The following CACNA1C variants were observed in gnomAD, a reference collection of about 807,000 sequenced individuals.
CACNA1C encodes calcium voltage-gated channel subunit alpha1 C.
In CACNA1C, 30 loss-of-function variants were observed where a neutral mutation model predicts 229.0. The ratio of observed to expected loss-of-function variants is 0.13; its 90% CI spans 0.10 to 0.18. The LOEUF is 0.18. Ranked by LOEUF, CACNA1C falls within the 10% of genes least tolerant of loss-of-function variation. CACNA1C has a pLI of 1.00. For missense variants in CACNA1C, 1,658 were observed against 2,845.0 expected (o/e 0.58, Z 9.49); for synonymous variants, 1,114 against 1,132.5 (o/e 0.98, Z 0.33).
intron 3 of CACNA1C, among the ~76,000 whole-genome samples, chr12:2,138,699 C>T (rs1020924971): frequency 2.0e-5 from 3 of 151,136 alleles, no homozygotes; most frequent in Non-Finnish European, 4.4e-5. Flanking sequence ...TCCCCTTCCC[C>T]TTCTGCCATG....
At chr12:2,115,054 C>T (rs2083292026) in intron 1 of CACNA1C, among the ~76,000 whole-genome samples, 170 bp from the exon 2 acceptor site, 1 of 152,228 alleles carries the variant, frequency 6.6e-6, no homozygotes, top group African/African-American at 2.4e-5. Context: ...ACGATCCTGG[C>T]CCTCTTCCCT....
chr12:2,524,750 C>G (rs923025999), intron 9 of CACNA1C, among the ~76,000 whole-genome samples: 2 of 152,204 alleles, frequency 1.3e-5, no homozygotes, highest in African/African-American at 2.4e-5. Context: ...GCTTCAGCAG[C>G]CAGGCCTGGG....
chr12:2,486,401 A>C lies in CACNA1C; in HGVS notation c.916+139A>C. On this transcript the variant is annotated intron_variant, in intron 6 of 46. Transcript: ENST00000399655. This position sits in a 1 kb window ranked among gnomAD's most constrained non-coding sequence, Gnocchi z 4.9. The stretch of plus-strand genomic sequence containing the variant: ...ATTCAGACACACACTGGGCATGGTT[A>C]AGTGAGAGGCAGAGACCCGTATCCT... 3 of 630,006 alleles carry C rather than the reference A, an allele frequency of 4.8e-6. No individual in the cohort carries two copies. The highest frequency in any genetic ancestry group is 7.7e-6 in the Non-Finnish European group (3 of 387,478). The allele number at this position is 630,006 out of a possible 1,614,324, so 39.0% of individuals were successfully genotyped here.
chr12:2,483,129 G>A (rs1442813607), intron 5 of CACNA1C, among the ~76,000 whole-genome samples: 1 of 152,240 alleles, frequency 6.6e-6, no homozygotes, highest in African/African-American at 2.4e-5. Flanking sequence ...TCTCAGCGAG[G>A]CAGGGAATGG....
At chr12:2,447,745 C>G (rs149980486) in intron 3 of CACNA1C, among the ~76,000 whole-genome samples, 4 of 152,176 alleles carry the variant, frequency 2.6e-5, no homozygotes, top group Admixed American at 2.6e-4. Flanking sequence ...GGAGGTGGGC[C>G]TTTGTGGGCA....
intron 1 of CACNA1C, among the ~76,000 whole-genome samples, chr12:1,986,062 C>T (rs1053516959): frequency 1.3e-5 from 2 of 152,240 alleles, no homozygotes; most frequent in African/African-American, 4.8e-5. Flanking sequence ...ATCTGCCCGC[C>T]TTGGCCTCCC....
intron 25 of CACNA1C, 33 bp downstream of exon 25, chr12:2,606,696 G>C: frequency 6.3e-7 from 1 of 1,590,068 alleles, no homozygotes; most frequent in Non-Finnish European, 8.6e-7. Context: ...CCAGGGCCAC[G>C]GCCGGTCAGC....
chr12:2,451,207 A>G (rs748116322), intron 4 of CACNA1C, among the ~76,000 whole-genome samples: 4 of 152,224 alleles, frequency 2.6e-5, no homozygotes, highest in Non-Finnish European at 4.4e-5. Context: ...TCATGCCAGA[A>G]TAAACAAAGA....
intron 3 of CACNA1C, among the ~76,000 whole-genome samples, chr12:2,426,259 C>G (rs368281268): frequency 6.6e-6 from 1 of 152,164 alleles, no homozygotes; most frequent in African/African-American, 2.4e-5. Context: ...GAAGGACTGG[C>G]AATCTAATTG....
At position 2,228,933 on chromosome 12, in the gene CACNA1C, A is replaced by G. The variant is rs193242952; in HGVS notation, c.477+108503A>G. Reference sequence around the variant, plus strand: ...TGGAGTATTTTCCAGGAGCTAGAATATTATGTGTGTGTGTGTGCATATCTC... The same window carrying G: ...TGGAGTATTTTCCAGGAGCTAGAATGTTATGTGTGTGTGTGTGCATATCTC... On this transcript the variant is annotated intron_variant, in intron 3 of 46. Transcript: ENST00000399655. Among the ~76,000 whole-genome samples the G allele has an allele frequency of 4.1e-3, 616 of 151,378 alleles. 11 individuals are homozygous for G. The highest frequency in any genetic ancestry group is 0.032 in the South Asian group (153 of 4,710).
rs144904195 is a variant in CACNA1C at position 2,598,722 on chromosome 12, A to G, written c.2853+1433A>G. On this transcript the variant is annotated intron_variant, in intron 21 of 46. Transcript: ENST00000399655. ...TCCCTCATCATGGCCCAGCCTGTTG[A>G]TGGACAGGACAGTTCAGTCACATCC... 3.1e-4 allele frequency among the ~76,000 whole-genome samples: 47 copies of G among 152,256 alleles called. No homozygotes were observed. The East Asian group carries it at 7.7e-3, about 25-fold the overall frequency.
chr12:2,461,513 G>C (rs1358526625), intron 5 of CACNA1C, among the ~76,000 whole-genome samples: 2 of 152,106 alleles, frequency 1.3e-5, no homozygotes, highest in Admixed American at 1.3e-4. Flanking sequence ...GTATCTTCCA[G>C]TAACCAGCAG....
chr12:2,490,533 A>C (rs954671238), intron 6 of CACNA1C, among the ~76,000 whole-genome samples: 4 of 152,230 alleles, frequency 2.6e-5, no homozygotes, highest in African/African-American at 9.6e-5. Context: ...GTGACTGAAC[A>C]CATCTCCCTA....
intron 5 of CACNA1C, among the ~76,000 whole-genome samples, chr12:2,465,410 C>T (rs375269442): frequency 5.3e-5 from 8 of 152,138 alleles, no homozygotes; most frequent in East Asian, 1.9e-4. Flanking sequence ...GAGGACATAC[C>T]GGAGATAAGC....
chr12:2,347,196 A>G (rs191923396), intron 3 of CACNA1C, among the ~76,000 whole-genome samples: 523 of 152,306 alleles, frequency 3.4e-3, no homozygotes, highest in African/African-American at 0.012. Flanking sequence ...GAATGGATGA[A>G]TGAATGAACA....
At chr12:2,202,974 T>C (rs1002606597) in intron 3 of CACNA1C, among the ~76,000 whole-genome samples, 2 of 152,138 alleles carry the variant, frequency 1.3e-5, no homozygotes, top group East Asian at 3.9e-4. Context: ...CCTAGAAACC[T>C]AGGAGCTGGC....
intron 1 of CACNA1C, among the ~76,000 whole-genome samples, chr12:2,104,111 A>C (rs1274952100): frequency 6.6e-6 from 1 of 152,196 alleles, no homozygotes; most frequent in Non-Finnish European, 1.5e-5. Context: ...CAATTCTGTG[A>C]GGAAAGTCAA....
intron 9 of CACNA1C, among the ~76,000 whole-genome samples, chr12:2,534,260 C>A (rs982079477): frequency 3.9e-5 from 6 of 152,126 alleles, no homozygotes; most frequent in African/African-American, 1.4e-4. Flanking sequence ...GAGAGTAGGA[C>A]TGAGTGCATG....
intron 1 of CACNA1C, among the ~76,000 whole-genome samples, chr12:2,109,802 CA>C (rs2080906539): frequency 6.6e-6 from 1 of 152,172 alleles, no homozygotes; most frequent in Admixed American, 6.5e-5. Context: ...ATCTTCCTCA[CA>C]ACCCCTTTCC....
Sources: gnomAD v4.1 joint callset for allele counts (sites outside exome capture counted in the v4.1 genomes callset) on GRCh38, gnomAD v4.1.1 for gene constraint, Gnocchi (gnomAD v3.1) non-coding constraint, MANE v1.5 for transcripts, NCBI Gene and HGNC (gene_info 2026-07-23, HGNC 2026-07-21) for gene names.